Variants in CCND3 observed in about 807,000 individuals in gnomAD.
The protein encoded by CCND3 is G1/S-specific cyclin-D3.
CCND3 carries 9 observed loss-of-function variants against 28.7 expected under a neutral mutation model. That is an observed-to-expected ratio of 0.31 (90% CI 0.19 to 0.55). The LOEUF is 0.55. Among genes scored for constraint, CCND3 ranks in the 20% least tolerant of loss-of-function variants. CCND3 has a pLI of 0.93. For missense variants in CCND3, 315 were observed against 385.8 expected (o/e 0.82, Z 1.54); for synonymous variants, 164 against 163.9 (o/e 1.00, Z 0.00).
chr6:42,040,868 C>CAAAAAAAAAAAAAA (rs142222742), intron 1 of CCND3, among the ~76,000 whole-genome samples: 1 of 122,538 alleles, frequency 8.2e-6, no homozygotes, highest in Non-Finnish European at 1.8e-5. Flanking sequence ...AACAAACAAA[C>CAAAAAAAAAAAAAA]AAAAAAAAAA....
chr6:41,945,780 G>T (rs1776152304), upstream of CCND3, among the ~76,000 whole-genome samples: 1 of 152,118 alleles, frequency 6.6e-6, no homozygotes, highest in East Asian at 1.9e-4. Flanking sequence ...ATCCAGTGGG[G>T]ATAATATAAT....
At chr6:41,940,738 C>G (rs1424241630) in intron 1 of CCND3, 153 bp from the exon 2 acceptor site, 3 of 742,224 alleles carry the variant, frequency 4.0e-6, no homozygotes, top group Admixed American at 2.1e-5. Context: ...GAGGAGGATG[C>G]GCCCTCCCCA....
intron 1 of CCND3, among the ~76,000 whole-genome samples, chr6:42,040,283 T>A (rs1468798399): frequency 6.6e-6 from 1 of 151,970 alleles, no homozygotes; most frequent in Non-Finnish European, 1.5e-5. Flanking sequence ...CTGGGCATGG[T>A]GGTGGGAGCC....
At chr6:42,024,488 G>A (rs2127434257) in intron 1 of CCND3, among the ~76,000 whole-genome samples, 2 of 152,092 alleles carry the variant, frequency 1.3e-5, no homozygotes, top group East Asian at 3.8e-4. Context: ...CCAGTGACAT[G>A]GAAGGAGAAC....
At chr6:41,990,906 C>G (rs1762627639) in intron 1 of CCND3, among the ~76,000 whole-genome samples, 1 of 151,694 alleles carries the variant, frequency 6.6e-6, no homozygotes, top group African/African-American at 2.4e-5. Context: ...GTTTTGAACC[C>G]CTGACCTAAG....
chr6:42,036,817 C>G (rs1764233644), intron 1 of CCND3, among the ~76,000 whole-genome samples: 1 of 152,044 alleles, frequency 6.6e-6, no homozygotes, highest in African/African-American at 2.4e-5. Flanking sequence ...CAGCTGTCTT[C>G]TATGAAGTCA....
chr6:41,999,089 A>G (rs968698419), intron 1 of CCND3, among the ~76,000 whole-genome samples: 1 of 152,220 alleles, frequency 6.6e-6, no homozygotes, highest in African/African-American at 2.4e-5. Flanking sequence ...TAACTTGCCC[A>G]AGGTCCCACA....
chr6:41,937,030 C>T, intron 3 of CCND3: 1 of 625,282 alleles, frequency 1.6e-6, no homozygotes, highest in Admixed American at 2.8e-5. Context: ...TCTATACCCT[C>T]AGTGTCCCCA....
chr6:42,029,553 T>A (rs1434158934), intron 1 of CCND3, among the ~76,000 whole-genome samples: 1 of 151,612 alleles, frequency 6.6e-6, no homozygotes, highest in African/African-American at 2.4e-5. Flanking sequence ...ATACTCTCAC[T>A]GGGGCCGGGC....
intron 1 of CCND3, among the ~76,000 whole-genome samples, chr6:42,030,624 G>A (rs1293701003): frequency 6.6e-6 from 1 of 152,126 alleles, no homozygotes; most frequent in African/African-American, 2.4e-5. Flanking sequence ...GTCCTGCCTC[G>A]CCTTCCCCAG....
chr6:41,980,282 C>T (rs771948078), intron 1 of CCND3, among the ~76,000 whole-genome samples: 1 of 152,036 alleles, frequency 6.6e-6, no homozygotes, highest in African/African-American at 2.4e-5. Context: ...ACTACAGGCA[C>T]CTGCCACCAC....
intron 1 of CCND3, among the ~76,000 whole-genome samples, chr6:42,012,133 G>C (rs528682591): frequency 1.3e-5 from 2 of 152,314 alleles, no homozygotes; most frequent in Non-Finnish European, 2.9e-5. Context: ...AACAAAACTT[G>C]GGGAGACAGG....
chr6:41,943,283 A>G (rs892259560), upstream of CCND3, among the ~76,000 whole-genome samples: 4 of 152,220 alleles, frequency 2.6e-5, no homozygotes, highest in Non-Finnish European at 4.4e-5. Context: ...ATCATTTGCA[A>G]TTTGCCATGA....
chr6:41,950,560 G>T (rs1776281504), intron 1 of CCND3, among the ~76,000 whole-genome samples: 1 of 152,104 alleles, frequency 6.6e-6, no homozygotes, highest in African/African-American at 2.4e-5. Flanking sequence ...TACTTTAGCT[G>T]TCCCAGGCTC....
intron 1 of CCND3, among the ~76,000 whole-genome samples, chr6:41,996,633 A>G (rs1458395319): frequency 6.7e-6 from 1 of 148,496 alleles, no homozygotes; most frequent in Admixed American, 6.8e-5. Context: ...TGTAGTTAAC[A>G]TTTCCCTCAA....
At chr6:42,036,306 T>TTATATATATATATATATATATATATA (rs566638387) in intron 1 of CCND3, among the ~76,000 whole-genome samples, 3 of 130,676 alleles carry the variant, frequency 2.3e-5, no homozygotes, top group Non-Finnish European at 3.2e-5. Flanking sequence ...AAATTATTAT[T>TTATATATATATATATATATATATATA]TATATATATA....
In CCND3 at chr6:41,978,404, C is replaced by T. The variant is rs192163489; in HGVS notation, c.-45-37819G>A. Among the ~76,000 whole-genome samples the T allele has an allele frequency of 2.9e-3, 430 of 150,210 alleles. 5 individuals are homozygous for T. Among genetic ancestry groups the T allele is most frequent in the African/African-American group, 8.8e-3 (360 of 41,000 alleles). On this transcript the variant is annotated intron_variant, in intron 1 of 4. Coordinates refer to the CCND3 transcript ENST00000372988. ...AAAAAAAATTAGCCAGGCGTGGTGG[C>T]GCATCCCCGTAATCCCAGCTACTTG...
At chr6:42,014,192 C>T (rs563009406) in intron 1 of CCND3, among the ~76,000 whole-genome samples, 2 of 151,262 alleles carry the variant, frequency 1.3e-5, no homozygotes, top group South Asian at 4.2e-4. Context: ...GGTGAAACCC[C>T]GTCTCTACCA....
At position 41,950,655 on chromosome 6, in the gene CCND3, G is replaced by A. The variant is rs766183648; in HGVS notation, c.-45-10070C>T. Among the ~76,000 whole-genome samples, 5 of 151,964 alleles carry A rather than the reference G, an allele frequency of 3.3e-5. No individual in the cohort carries two copies. In the East Asian group the frequency reaches 5.8e-4, roughly 18 times the overall value. The stretch of plus-strand genomic sequence containing the variant: ...CCTTCCATACATCAGGCAGGCCTTC[G>A]GAAGCCCTGGGACATGCTGGACATG... On this transcript the variant is annotated intron_variant, in intron 1 of 4. Transcript: ENST00000372988.
Sources: gnomAD v4.1 joint callset for allele counts (sites outside exome capture counted in the v4.1 genomes callset) on GRCh38, gnomAD v4.1.1 for gene constraint, MANE v1.5 for transcripts, NCBI Gene and HGNC (gene_info 2026-07-23, HGNC 2026-07-21) for gene names.